ARHGAP42: variants seen among roughly 807,000 people sequenced by gnomAD.
The protein encoded by ARHGAP42 is Rho GTPase activating protein 42, also known as rho GTPase-activating protein 42.
Under a neutral mutation model 125.0 loss-of-function variants are expected in ARHGAP42, and 63 were observed. That is an observed-to-expected ratio of 0.50 (90% confidence interval 0.41 to 0.62). ARHGAP42 has a LOEUF of 0.62. Ranked by LOEUF, ARHGAP42 falls within the 20% of genes least tolerant of loss-of-function variation. The probability of loss-of-function intolerance (pLI) is 0.00; values close to 1 mark genes in which losing one functional copy is unlikely to be tolerated. For synonymous variants in ARHGAP42, 339 were observed against 351.0 expected, an observed-to-expected ratio of 0.97 and a Z score of 0.38; for missense variants, 766 against 1,024.2, an observed-to-expected ratio of 0.75 and a Z score of 3.44.
At chr11:100,868,888 A>G (rs902588129) in intron 4 of ARHGAP42, among the ~76,000 whole-genome samples, 1 of 152,146 alleles carries the variant, frequency 6.6e-6, no homozygotes, top group Non-Finnish European at 1.5e-5. Flanking sequence ...TGTTTAGCAT[A>G]GTTTCTTCCA....
intron 1 of ARHGAP42, among the ~76,000 whole-genome samples, chr11:100,717,301 T>C (rs1861678316): frequency 6.6e-6 from 1 of 152,128 alleles, no homozygotes; most frequent in Admixed American, 6.5e-5. Flanking sequence ...GAAATCAATG[T>C]AGTAAGTTGA....
chr11:100,694,593 C>A (rs957221681), intron 1 of ARHGAP42, among the ~76,000 whole-genome samples: 2 of 152,200 alleles, frequency 1.3e-5, no homozygotes, highest in African/African-American at 4.8e-5. Context: ...CCAATTTCAC[C>A]TTGCAGCTCT....
intron 1 of ARHGAP42, among the ~76,000 whole-genome samples, chr11:100,713,892 T>C (rs1408184464): frequency 6.6e-6 from 1 of 152,228 alleles, no homozygotes; most frequent in African/African-American, 2.4e-5. Flanking sequence ...ATGTTTGTAT[T>C]TCTAATGTGG....
intron 17 of ARHGAP42, among the ~76,000 whole-genome samples, chr11:100,967,365 G>T (rs1158825734): frequency 6.6e-6 from 1 of 152,094 alleles, no homozygotes; most frequent in Non-Finnish European, 1.5e-5. Context: ...AATATATATT[G>T]TGGGTGGACT....
intron 1 of ARHGAP42, among the ~76,000 whole-genome samples, chr11:100,763,968 C>T (rs1862769670): frequency 6.6e-6 from 1 of 151,562 alleles, no homozygotes; most frequent in Non-Finnish European, 1.5e-5. Context: ...CATAGCCTTC[C>T]CAGTTCTTCT....
At chr11:100,948,748 G>A (rs1591315247) in intron 11 of ARHGAP42, among the ~76,000 whole-genome samples, 1 of 151,966 alleles carries the variant, frequency 6.6e-6, no homozygotes, top group East Asian at 1.9e-4. Context: ...GGACTTTTGG[G>A]ACTAATTTAA....
intron 4 of ARHGAP42, among the ~76,000 whole-genome samples, chr11:100,862,548 T>G (rs1459852557): frequency 6.6e-6 from 1 of 152,210 alleles, no homozygotes; most frequent in Non-Finnish European, 1.5e-5. Context: ...CAGTATACTA[T>G]GCCTTTGCCT....
chr11:100,732,256 C>T (rs1861972711), intron 1 of ARHGAP42, among the ~76,000 whole-genome samples: 1 of 152,112 alleles, frequency 6.6e-6, no homozygotes, highest in African/African-American at 2.4e-5. Context: ...CGTGCCTGGC[C>T]TTAACTGTCT....
At chr11:100,944,913 T>C (rs1338617058) in intron 10 of ARHGAP42, among the ~76,000 whole-genome samples, 1 of 152,018 alleles carries the variant, frequency 6.6e-6, no homozygotes, top group South Asian at 2.1e-4. Context: ...GAGACAGCAA[T>C]AAAGTTTGCC....
intron 4 of ARHGAP42, among the ~76,000 whole-genome samples, chr11:100,875,457 G>A (rs1865798711): frequency 6.6e-6 from 1 of 152,152 alleles, no homozygotes; most frequent in Non-Finnish European, 1.5e-5. Flanking sequence ...TCCTGCACCT[G>A]CCCCTTGACC....
In ARHGAP42 at chr11:100,961,684, C is replaced by A; in HGVS notation, c.1301C>A (p.Ser434Tyr). The A allele has an allele frequency of 1.3e-6, 2 of 1,550,720 alleles. No homozygotes were observed. The highest frequency in any genetic ancestry group is 1.7e-6 in the Non-Finnish European group (2 of 1,146,394). The change falls in exon 15 of 24, where the codon TCT (serine) becomes TAT (tyrosine). Residue 434 changes from serine to tyrosine, a missense_variant and splice_region_variant. Around this residue, in one of 3 missense-constraint regions of ARHGAP42, gnomAD observed 455 missense variants for 636.5 expected, o/e 0.71. Transcript: ENST00000298815. ...KVQKLMNTTF[S>Y]PKSPPDIDID... is the part of the protein sequence containing the mutation. ...AAACACCTTGTTTTATTCTTTCCAG[C>A]TCCTAAATCCCCTCCTGATATTGAT...
At chr11:100,800,533 A>T (rs146897432) in intron 3 of ARHGAP42, among the ~76,000 whole-genome samples, 24 of 152,256 alleles carry the variant, frequency 1.6e-4, no homozygotes, top group East Asian at 1.4e-3. Flanking sequence ...AGAGTCAAGG[A>T]CAGCGACCAA....
intron 17 of ARHGAP42, among the ~76,000 whole-genome samples, chr11:100,972,939 GT>G (rs906002633): frequency 6.6e-6 from 1 of 151,978 alleles, no homozygotes; most frequent in Non-Finnish European, 1.5e-5. Context: ...GAAATTAGGG[GT>G]TTTTTTCTTT....
chr11:100,845,488 A>G (rs1865044569), intron 3 of ARHGAP42, among the ~76,000 whole-genome samples: 1 of 152,106 alleles, frequency 6.6e-6, no homozygotes, highest in South Asian at 2.1e-4. Context: ...CTGTTTTCCA[A>G]TAACCTATGA....
intron 4 of ARHGAP42, among the ~76,000 whole-genome samples, chr11:100,862,100 G>C (rs938983198): frequency 6.6e-6 from 1 of 152,120 alleles, no homozygotes; most frequent in Non-Finnish European, 1.5e-5. Context: ...TTTTATTGGC[G>C]GGGACTTTCA....
At chr11:100,921,052 G>A (rs949158893) in intron 5 of ARHGAP42, among the ~76,000 whole-genome samples, 1 of 150,864 alleles carries the variant, frequency 6.6e-6, no homozygotes, top group East Asian at 1.9e-4. Flanking sequence ...CAGGAAAACG[G>A]CCCCTGCTTT....
In ARHGAP42 at chr11:100,912,799, G is replaced by A. The variant is rs553042148; in HGVS notation, c.385-653G>A. On this transcript the variant is annotated intron_variant, in intron 4 of 23. Coordinates refer to ENST00000298815, the MANE Select transcript of ARHGAP42 (RefSeq NM_152432.4). ...CTCCAACATATCAGGAACAAAGGTC[G>A]GCTATTAAGAGTTATGTTCAGAGTT... Among the ~76,000 whole-genome samples, 16 of 152,220 alleles carry A rather than the reference G, an allele frequency of 1.1e-4. No homozygotes were observed. The South Asian group carries it at 1.2e-3, about 12-fold the overall frequency.
At chr11:100,920,065 T>G (rs1300895085) in intron 5 of ARHGAP42, among the ~76,000 whole-genome samples, 1 of 152,168 alleles carries the variant, frequency 6.6e-6, no homozygotes, top group Non-Finnish European at 1.5e-5. Context: ...AGAAACATGA[T>G]TTGTGTGGAA....
intron 2 of ARHGAP42, among the ~76,000 whole-genome samples, chr11:100,784,661 AT>A (rs1863392142): frequency 6.6e-6 from 1 of 151,928 alleles, no homozygotes; most frequent in Non-Finnish European, 1.5e-5. Context: ...TAAACTTGAG[AT>A]TCAAAAAAAA....
Sources: gnomAD v4.1 joint callset for allele counts (sites outside exome capture counted in the v4.1 genomes callset) on GRCh38, gnomAD v4.1.1 for gene constraint, gnomAD v4.1.1 regional missense constraint, MANE v1.5 for transcripts, NCBI Gene and HGNC (gene_info 2026-07-23, HGNC 2026-07-21) for gene names.